GADL1: variants seen among roughly 807,000 people sequenced by gnomAD.
GADL1 encodes the protein acidic amino acid decarboxylase GADL1.
GADL1 carries 71 observed loss-of-function variants against 69.5 expected under a neutral mutation model. The observed-to-expected ratio is 1.02, with a 90% CI of 0.84 to 1.25. The LOEUF (loss-of-function observed/expected upper bound fraction) is 1.25. Ranked by LOEUF, GADL1 falls within the 50% of genes most tolerant of loss-of-function variation. The pLI, the probability that GADL1 is intolerant of heterozygous loss-of-function variation, is 0.00. For missense variants in GADL1, 737 were observed against 631.8 expected (o/e 1.17, Z -1.79); for synonymous variants, 254 against 214.4 (o/e 1.18, Z -1.62).
chr3:30,768,833 T>C (rs1696349923), intron 14 of GADL1, among the ~76,000 whole-genome samples: 1 of 152,154 alleles, frequency 6.6e-6, no homozygotes, highest in African/African-American at 2.4e-5. Flanking sequence ...TCTATAACAT[T>C]TTCACAGCAT....
intron 14 of GADL1, among the ~76,000 whole-genome samples, chr3:30,757,565 C>T (rs1404012556): frequency 6.6e-6 from 1 of 152,178 alleles, no homozygotes; most frequent in African/African-American, 2.4e-5. Flanking sequence ...AGGATGATTA[C>T]AGGCCCATGG....
intron 2 of GADL1, among the ~76,000 whole-genome samples, chr3:30,857,921 T>C (rs934314649): frequency 2.6e-5 from 4 of 151,984 alleles, no homozygotes; most frequent in African/African-American, 9.7e-5. Context: ...CTAGAATGTT[T>C]TTCAAAATAT....
chr3:30,888,618 C>A (rs900431881), intron 1 of GADL1, among the ~76,000 whole-genome samples: 10 of 152,196 alleles, frequency 6.6e-5, no homozygotes, highest in African/African-American at 1.9e-4. Flanking sequence ...GCCTTCAAAT[C>A]AAGAGATTAG....
Position 30,843,178 on chromosome 3 carries a change from G to A in GADL1, c.786+1032C>T, listed in dbSNP as rs537178854. ...TCTGAAGCTCCATCAGCAGGCAGCG[G>A]TGGGATGGGAGAGAAGCAGCAAATC... On this transcript the variant is annotated intron_variant, in intron 8 of 14. Transcript: ENST00000282538. 4.4e-3 allele frequency among the ~76,000 whole-genome samples: 665 copies of A among 152,168 alleles called. 10 individuals are homozygous for A. The highest frequency in any genetic ancestry group is 5.9e-3 in the Non-Finnish European group (398 of 68,010).
chr3:30,849,869 CTA>C, intron 6 of GADL1, 125 bp downstream of exon 6: 2 of 563,850 alleles, frequency 3.5e-6, no homozygotes, highest in South Asian at 2.7e-5. Flanking sequence ...GAATGAAATA[CTA>C]TGTTATACTG....
Position 30,767,823 on chromosome 3 carries a change from GC to G in GADL1, c.1392+10355del, listed in dbSNP as rs1696318453. Among the ~76,000 whole-genome samples, 3 of 152,048 alleles carry G rather than the reference GC, an allele frequency of 2.0e-5. No individual in the cohort carries two copies. The South Asian group carries it at 6.2e-4, about 31-fold the overall frequency. On this transcript the variant is annotated intron_variant, in intron 14 of 14. Transcript: ENST00000282538. ...ACTGAAGGCCATATTTGCATTCCATGCTACAAAGACAGCTTTAAAACCCAAA... is the reference window on the plus strand; with the variant it reads ...ACTGAAGGCCATATTTGCATTCCATGTACAAAGACAGCTTTAAAACCCAAA...
intron 14 of GADL1, among the ~76,000 whole-genome samples, chr3:30,740,752 G>T (rs1695604433): frequency 6.6e-6 from 1 of 150,814 alleles, no homozygotes; most frequent in South Asian, 2.1e-4. Context: ...GTATATTTTT[G>T]TTTTGGGTGA....
At chr3:30,889,690 T>C (rs940256289) in intron 1 of GADL1, among the ~76,000 whole-genome samples, 1 of 152,202 alleles carries the variant, frequency 6.6e-6, no homozygotes, top group African/African-American at 2.4e-5. Flanking sequence ...TATGCAATTT[T>C]GGAATGCTGA....
intron 14 of GADL1, among the ~76,000 whole-genome samples, chr3:30,755,140 G>C (rs947660038): frequency 6.6e-6 from 1 of 152,156 alleles, no homozygotes; most frequent in African/African-American, 2.4e-5. Context: ...ACTCTATAGT[G>C]AATGTCATAC....
chr3:30,869,387 T>C lies in GADL1; in HGVS notation c.38-7622A>G, dbSNP rs113182079. On this transcript the variant is annotated intron_variant, in intron 1 of 14. Transcript: ENST00000282538. ...GTGAACAACCTACAAAGAAGATGAC[T>C]ATGGGAAATATTAAGAAATAACAAT... is the stretch of plus-strand genomic sequence containing the variant. Among the ~76,000 whole-genome samples the C allele has an allele frequency of 3.3e-3, 506 of 151,850 alleles. 3 individuals carry two copies. The highest frequency in any genetic ancestry group is 5.4e-3 in the Non-Finnish European group (365 of 67,934).
chr3:30,816,237 G>GC (rs1443275504), intron 11 of GADL1, among the ~76,000 whole-genome samples: 1 of 151,992 alleles, frequency 6.6e-6, no homozygotes, highest in Admixed American at 6.6e-5. Flanking sequence ...AAGCAGAAAG[G>GC]CCCCCTGGAA....
intron 2 of GADL1, among the ~76,000 whole-genome samples, chr3:30,860,619 GAATA>G (rs1343502995): frequency 1.3e-5 from 2 of 151,886 alleles, no homozygotes; most frequent in African/African-American, 4.8e-5. Context: ...CAAAAATTCA[GAATA>G]AATATCACCT....
chr3:30,781,763 G>T (rs577751925), intron 13 of GADL1, among the ~76,000 whole-genome samples: 59 of 152,324 alleles, frequency 3.9e-4, no homozygotes, highest in African/African-American at 1.4e-3. Context: ...TGATTAAAGA[G>T]AAAACGTGTT....
At chr3:30,743,838 C>T (rs1240897705) in intron 14 of GADL1, among the ~76,000 whole-genome samples, 2 of 152,176 alleles carry the variant, frequency 1.3e-5, no homozygotes, top group East Asian at 3.9e-4. Flanking sequence ...TGTTCCATTG[C>T]TAAGTGACCA....
intron 14 of GADL1, among the ~76,000 whole-genome samples, chr3:30,761,430 G>A (rs960110881): frequency 5.9e-5 from 9 of 152,062 alleles, no homozygotes; most frequent in East Asian, 3.9e-4. Flanking sequence ...TGTCGGTGGC[G>A]CACACACATT....
In GADL1 at chr3:30,728,083, T is replaced by C; in HGVS notation, c.*159A>G. 1.6e-6 allele frequency: 1 copy of C among 614,748 alleles called. No homozygotes were observed. The highest frequency in any genetic ancestry group is 2.3e-5 in the South Asian group (1 of 43,852). The allele number at this position is 614,748 out of a possible 1,614,324, so 38.1% of individuals were successfully genotyped here. A position where few individuals can be genotyped will look rare whatever the true frequency, so the allele number is the denominator to read the frequency against. On this transcript the variant is annotated 3_prime_UTR_variant, in exon 15 of 15. Transcript: ENST00000282538. ...AATGCCCAGGCAGCTAGAGAGTCCT[T>C]AATATTCATTGCTTAGCATTTTGGT...
intron 14 of GADL1, among the ~76,000 whole-genome samples, chr3:30,759,121 G>T (rs906685354): frequency 9.2e-5 from 14 of 152,156 alleles, no homozygotes; most frequent in Non-Finnish European, 1.8e-4. Flanking sequence ...TTTAGTGCTG[G>T]CATCTCGTAA....
At position 30,786,504 on chromosome 3, in the gene GADL1, T is replaced by C. The variant is rs1696793363; in HGVS notation, c.1251-98A>G. 2.1e-5 allele frequency: 15 copies of C among 706,714 alleles called. No individual in the cohort carries two copies. The East Asian group carries it at 4.0e-4, about 19-fold the overall frequency. The allele number at this position is 706,714 out of a possible 1,614,324, so 43.8% of individuals were successfully genotyped here. A position where few individuals can be genotyped will look rare whatever the true frequency, so the allele number is the denominator to read the frequency against. On this transcript the variant is annotated intron_variant, in intron 12 of 14. Transcript: ENST00000282538. Reference sequence around the variant, plus strand: ...AACTGATTCAGACAGGGCTTGGAGATAAGAAAGATACAGATAAAGGTCAAG... The same window carrying C: ...AACTGATTCAGACAGGGCTTGGAGACAAGAAAGATACAGATAAAGGTCAAG...
intron 14 of GADL1, among the ~76,000 whole-genome samples, chr3:30,742,696 G>A (rs1006963154): frequency 2.0e-5 from 3 of 151,644 alleles, no homozygotes; most frequent in African/African-American, 7.3e-5. Context: ...TGAGTTTAAG[G>A]GGAAGGTATT....
Sources: allele counts gnomAD v4.1 joint callset (sites outside exome capture counted in the v4.1 genomes callset), GRCh38; gene constraint gnomAD v4.1.1; transcripts MANE v1.5; gene names NCBI Gene and HGNC (gene_info 2026-07-23, HGNC 2026-07-21).